The following TRPC6 variants were observed in gnomAD, a reference collection of about 807,000 sequenced individuals.
The protein encoded by TRPC6 is short transient receptor potential channel 6.
In TRPC6, 55 loss-of-function variants were observed where a neutral mutation model predicts 90.7. The ratio of observed to expected loss-of-function variants is 0.61; its 90% CI spans 0.49 to 0.76. The LOEUF (loss-of-function observed/expected upper bound fraction) is 0.76, where lower values mean the gene tolerates loss of function less well. TRPC6 is among the 30% of genes least tolerant of loss of function. TRPC6 has a pLI of 0.00. For synonymous variants in TRPC6, 393 were observed against 393.0 expected, an observed-to-expected ratio of 1.00 and a Z score of 0.00; for missense variants, 989 against 1,122.7, an observed-to-expected ratio of 0.88 and a Z score of 1.70.
In TRPC6 at chr11:101,526,861, C is replaced by CAAAAAAAAAAA. The variant is rs573864895; in HGVS notation, c.171-22074_171-22064dup. The stretch of plus-strand genomic sequence containing the variant: ...CCTGGGTGACAGAAGGAGACTGTCT[C>CAAAAAAAAAAA]AAAAAAAAAAAAAAAAAAAAAAAAA... On this transcript the variant is annotated intron_variant, in intron 1 of 12. Transcript: ENST00000344327. Among the ~76,000 whole-genome samples, 20 of 36,124 alleles carry CAAAAAAAAAAA rather than the reference C, an allele frequency of 5.5e-4. 1 individual carries two copies. The highest frequency in any genetic ancestry group is 1.2e-3 in the South Asian group (1 of 822). The allele number at this position is 36,124 out of a possible 152,430, so 23.7% of individuals were successfully genotyped here.
intron 1 of TRPC6, among the ~76,000 whole-genome samples, chr11:101,566,599 C>G (rs1383811387): frequency 6.6e-6 from 1 of 152,118 alleles, no homozygotes; most frequent in Non-Finnish European, 1.5e-5. Flanking sequence ...GGCAAGATGA[C>G]CCAGTAGGAA....
chr11:101,558,607 G>T (rs183812172), intron 1 of TRPC6, among the ~76,000 whole-genome samples: 1 of 151,822 alleles, frequency 6.6e-6, no homozygotes, highest in East Asian at 1.9e-4. Flanking sequence ...ACCCAAGCTG[G>T]AGTGCAATCA....
intron 11 of TRPC6, among the ~76,000 whole-genome samples, chr11:101,454,620 TATA>T (rs973980981): frequency 5.9e-5 from 9 of 151,504 alleles, no homozygotes; most frequent in African/African-American, 1.5e-4. Context: ...ATATGCATTT[TATA>T]ATAATATTAA....
rs572572740 is a variant in TRPC6, at chr11:101,452,043, A to G, written c.*912T>C. On this transcript the variant is annotated 3_prime_UTR_variant, in exon 13 of 13. Coordinates refer to ENST00000344327, the MANE Select transcript of TRPC6 (RefSeq NM_004621.6). ...ACCTTATTTTTCCCCTTTACATTCAATGGCTAAGTGTGGGGATTCATCTGT... is the reference window on the plus strand; with the variant it reads ...ACCTTATTTTTCCCCTTTACATTCAGTGGCTAAGTGTGGGGATTCATCTGT... 1 of 152,284 alleles carries G rather than the reference A, an allele frequency of 6.6e-6. No homozygotes were observed. The highest frequency in any genetic ancestry group is 3.4e-3 in the Middle Eastern group (1 of 294). 9.4% of individuals were successfully genotyped at this position (152,284 alleles called of 1,614,324 possible). A position where few individuals can be genotyped will look rare whatever the true frequency, so the allele number is the denominator to read the frequency against.
At chr11:101,553,318 AT>A (rs35718997) in intron 1 of TRPC6, among the ~76,000 whole-genome samples, 2 of 151,280 alleles carry the variant, frequency 1.3e-5, no homozygotes, top group African/African-American at 2.4e-5. Context: ...TACCAGCCTT[AT>A]TTTTTTTTAA....
At chr11:101,562,501 A>G (rs912301410) in intron 1 of TRPC6, among the ~76,000 whole-genome samples, 9 of 152,130 alleles carry the variant, frequency 5.9e-5, no homozygotes, top group African/African-American at 2.2e-4. Flanking sequence ...TATATATTAT[A>G]TGAAAATGCT....
intron 1 of TRPC6, among the ~76,000 whole-genome samples, chr11:101,505,391 C>A (rs944738154): frequency 5.9e-5 from 9 of 152,052 alleles, no homozygotes; most frequent in African/African-American, 2.2e-4. Context: ...AATGATAAGC[C>A]TATAATGGGG....
intron 1 of TRPC6, among the ~76,000 whole-genome samples, chr11:101,508,102 T>C (rs985584707): frequency 3.9e-5 from 6 of 152,076 alleles, no homozygotes; most frequent in Non-Finnish European, 1.5e-5. Context: ...TATAAGACTT[T>C]TCTGCTTTTA....
chr11:101,504,145 T>G lies in TRPC6; in HGVS notation c.824A>C (p.Asn275Thr). 1 of 1,614,178 alleles carries G rather than the reference T, an allele frequency of 6.2e-7. No individual in the cohort carries two copies. The highest frequency in any genetic ancestry group is 8.5e-7 in the Non-Finnish European group (1 of 1,180,002). Residue 275 changes from asparagine (N) to threonine (T), a missense_variant, in exon 2 of 13, where the codon AAT becomes ACT. By Grantham distance (65) the Asn-to-Thr change is moderately conservative. Around this residue, in one of 4 missense-constraint regions of TRPC6, gnomAD observed 486 missense variants for 591.9 expected, o/e 0.82. Transcript: ENST00000344327. The stretch of plus-strand genomic sequence containing the variant: ...CGGACTTGCCAGGCCTTTATAGGCA[T>G]TAATCCTAGATCTGGAGTGGCTAAA... ...DSFSHSRSRI[N>T]AYKGLASPAY...
rs530553345 is a variant in TRPC6, at chr11:101,531,933, T to C, written c.171-27135A>G. On this transcript the variant is annotated intron_variant, in intron 1 of 12. Coordinates refer to ENST00000344327, the MANE Select transcript of TRPC6 (RefSeq NM_004621.6). Reference sequence around the variant, plus strand: ...TGCCTGTTTTAGCCATAGCAGAGATTGCTGGTTAAGGAGACTTGGGAAGGT... The same window carrying C: ...TGCCTGTTTTAGCCATAGCAGAGATCGCTGGTTAAGGAGACTTGGGAAGGT... Among the ~76,000 whole-genome samples the C allele has an allele frequency of 1.4e-3, 220 of 152,290 alleles. 2 individuals are homozygous for C. Among genetic ancestry groups the C allele is most frequent in the African/African-American group, 5.0e-3 (209 of 41,556 alleles).
intron 1 of TRPC6, among the ~76,000 whole-genome samples, chr11:101,515,364 C>A (rs1445670077): frequency 6.6e-6 from 1 of 152,100 alleles, no homozygotes; most frequent in Non-Finnish European, 1.5e-5. Context: ...TTTTAATCTT[C>A]GGAATACTCT....
Position 101,491,539 on chromosome 11 carries a change from T to C in TRPC6, c.1128+17A>G, listed in dbSNP as rs1434808027. On this transcript the variant is annotated intron_variant, in intron 3 of 12. Coordinates refer to ENST00000344327, the MANE Select transcript of TRPC6 (RefSeq NM_004621.6). ...AAGAACCAAAATAATGTAAACGGGC[T>C]TCACGCCTGACCTTACTTTTTTTAC... 1.7e-5 allele frequency: 28 copies of C among 1,613,314 alleles called. No individual in the cohort carries two copies. The highest frequency in any genetic ancestry group is 2.2e-5 in the Non-Finnish European group (26 of 1,179,632).
In TRPC6 at chr11:101,569,163, G is replaced by A. The variant is rs376077328; in HGVS notation, c.170+14171C>T. On this transcript the variant is annotated intron_variant, in intron 1 of 12. Coordinates refer to ENST00000344327, the MANE Select transcript of TRPC6 (RefSeq NM_004621.6). ...CATAAGCTCAAAATAAAGGGATGGA[G>A]GAATATTTACTAAGCAAATGGAAAG... Among the ~76,000 whole-genome samples the A allele has an allele frequency of 3.3e-4, 50 of 151,100 alleles. 2 individuals are homozygous for A. The South Asian group carries it at 0.01, about 32-fold the overall frequency.
chr11:101,474,594 C>T (rs1021407807), intron 6 of TRPC6, among the ~76,000 whole-genome samples: 8 of 151,934 alleles, frequency 5.3e-5, no homozygotes, highest in African/African-American at 1.9e-4. Context: ...CTACAAATAG[C>T]TTTGAATTTT....
chr11:101,564,886 A>G (rs1861795182), intron 1 of TRPC6, among the ~76,000 whole-genome samples: 1 of 152,126 alleles, frequency 6.6e-6, no homozygotes, highest in Non-Finnish European at 1.5e-5. Flanking sequence ...GATCAATAGA[A>G]TAGAACAGAG....
At chr11:101,546,817 C>T (rs1203698092) in intron 1 of TRPC6, among the ~76,000 whole-genome samples, 4 of 151,820 alleles carry the variant, frequency 2.6e-5, no homozygotes, top group African/African-American at 9.7e-5. Context: ...ACACAAATAT[C>T]TATCAATAAT....
At position 101,572,962 on chromosome 11, in the gene TRPC6, C is replaced by T. The variant is rs182162391; in HGVS notation, c.170+10372G>A. On this transcript the variant is annotated intron_variant, in intron 1 of 12. Transcript: ENST00000344327. ...CCATGGCATGTGTATACCTATGTAA[C>T]AAACCTGCACGTTCTGCACATGTAC... Among the ~76,000 whole-genome samples the T allele has an allele frequency of 4.0e-5, 6 of 151,792 alleles. No homozygotes were observed. In the East Asian group the frequency reaches 1.2e-3, roughly 30 times the overall value.
intron 1 of TRPC6, among the ~76,000 whole-genome samples, chr11:101,553,522 A>G (rs1861497084): frequency 6.6e-6 from 1 of 152,060 alleles, no homozygotes. Flanking sequence ...TTGGATGCCA[A>G]TGTTAGTTTA....
chr11:101,555,807 T>TG (rs1276427561), intron 1 of TRPC6, among the ~76,000 whole-genome samples: 2 of 152,132 alleles, frequency 1.3e-5, no homozygotes, highest in Non-Finnish European at 2.9e-5. Context: ...TTACAAAACT[T>TG]GAAGAACAGT....
Sources: gnomAD v4.1 joint callset for allele counts (sites outside exome capture counted in the v4.1 genomes callset) on GRCh38, gnomAD v4.1.1 for gene constraint, gnomAD v4.1.1 regional missense constraint, MANE v1.5 for transcripts, NCBI Gene and HGNC (gene_info 2026-07-23, HGNC 2026-07-21) for gene names.